The following SENP7 variants were observed in gnomAD, a reference collection of about 807,000 sequenced individuals.
The protein encoded by SENP7 is SUMO specific peptidase 7.
In SENP7, 64 loss-of-function variants were observed where a neutral mutation model predicts 141.2. The ratio of observed to expected loss-of-function variants is 0.45; its 90% CI spans 0.37 to 0.56. SENP7 has a LOEUF of 0.56. Ranked by LOEUF, SENP7 falls within the 20% of genes least tolerant of loss-of-function variation. The pLI, the probability that SENP7 is intolerant of heterozygous loss-of-function variation, is 0.00. For missense variants in SENP7, 1,025 were observed against 1,212.2 expected, an observed-to-expected ratio of 0.85 and a Z score of 2.29; for synonymous variants, 382 against 426.4, an observed-to-expected ratio of 0.90 and a Z score of 1.28.
Position 101,444,651 on chromosome 3 carries a change from C to T in SENP7, c.284+14304G>A, listed in dbSNP as rs572250751. Among the ~76,000 whole-genome samples the T allele has an allele frequency of 2.5e-3, 366 of 148,518 alleles. 1 individual carries two copies. The highest frequency in any genetic ancestry group is 4.4e-3 in the Non-Finnish European group (295 of 67,638). On this transcript the variant is annotated intron_variant, in intron 4 of 23. Transcript: ENST00000394095. ...GTAAACTATCGCAAGAACAAAAAACCAAACACCGTATACTCTCACTCATAG... is the reference window on the plus strand; with the variant it reads ...GTAAACTATCGCAAGAACAAAAAACTAAACACCGTATACTCTCACTCATAG...
chr3:101,470,173 A>G (rs972720476), intron 3 of SENP7, among the ~76,000 whole-genome samples: 1 of 152,202 alleles, frequency 6.6e-6, no homozygotes, highest in African/African-American at 2.4e-5. Flanking sequence ...AGAACTACAG[A>G]AGGAAGAGCA....
chr3:101,345,215 A>G (rs1480108194), intron 13 of SENP7, among the ~76,000 whole-genome samples: 1 of 135,206 alleles, frequency 7.4e-6, no homozygotes, highest in East Asian at 2.2e-4. Context: ...TTCCATATGA[A>G]TTTTAGGATT....
chr3:101,484,295 T>C (rs2108052596), intron 3 of SENP7, among the ~76,000 whole-genome samples: 1 of 152,334 alleles, frequency 6.6e-6, no homozygotes, highest in South Asian at 2.1e-4. Flanking sequence ...ATGACGTATC[T>C]GCTACAGGAC....
At chr3:101,485,925 A>C (rs2064708438) in intron 3 of SENP7, among the ~76,000 whole-genome samples, 1 of 152,242 alleles carries the variant, frequency 6.6e-6, no homozygotes, top group Admixed American at 6.5e-5. Context: ...AAAAACAATA[A>C]AAAGTTCAGG....
intron 7 of SENP7, among the ~76,000 whole-genome samples, chr3:101,370,361 A>G (rs1299872328): frequency 3.3e-5 from 5 of 152,092 alleles, no homozygotes. Flanking sequence ...CACTTGTACA[A>G]ATACTTACAT....
chr3:101,435,737 A>G (rs1158474588), intron 4 of SENP7, among the ~76,000 whole-genome samples: 1 of 152,084 alleles, frequency 6.6e-6, no homozygotes, highest in Non-Finnish European at 1.5e-5. Flanking sequence ...AAAGATCTCT[A>G]CAATAAAAAC....
chr3:101,446,897 A>C (rs183559493), intron 4 of SENP7, among the ~76,000 whole-genome samples: 1 of 152,304 alleles, frequency 6.6e-6, no homozygotes, highest in East Asian at 1.9e-4. Flanking sequence ...AGTAGGAGGA[A>C]AGAAATGGTA....
At chr3:101,339,842 A>G (rs998450053) in intron 16 of SENP7, among the ~76,000 whole-genome samples, 9 of 152,240 alleles carry the variant, frequency 5.9e-5, no homozygotes, top group African/African-American at 2.2e-4. Context: ...AGAAATTTAC[A>G]TCAAAAACTA....
chr3:101,426,050 G>A (rs1469872990), intron 4 of SENP7, among the ~76,000 whole-genome samples: 1 of 152,158 alleles, frequency 6.6e-6, no homozygotes, highest in Non-Finnish European at 1.5e-5. Context: ...GTACCTGAAA[G>A]AGATGGAGAG....
intron 3 of SENP7, among the ~76,000 whole-genome samples, chr3:101,471,754 C>A (rs963586199): frequency 2.6e-5 from 4 of 152,186 alleles, no homozygotes; most frequent in African/African-American, 9.7e-5. Context: ...ATCTACCCAT[C>A]TGACACAGGG....
chr3:101,340,338 T>C (rs1175377305), intron 15 of SENP7, 127 bp from the exon 16 acceptor site: 13 of 1,135,618 alleles, frequency 1.1e-5, no homozygotes, highest in African/African-American at 1.6e-5. Flanking sequence ...AAAAAACATT[T>C]GACCAGGCAT....
chr3:101,419,500 T>C (rs1051573019), intron 4 of SENP7, among the ~76,000 whole-genome samples: 1 of 152,044 alleles, frequency 6.6e-6, no homozygotes, highest in African/African-American at 2.4e-5. Context: ...TTTAGAAGAA[T>C]GGTGGGAGCA....
chr3:101,475,038 T>C (rs2107994720), intron 3 of SENP7, among the ~76,000 whole-genome samples: 1 of 152,238 alleles, frequency 6.6e-6, no homozygotes, highest in African/African-American at 2.4e-5. Flanking sequence ...TACATATATA[T>C]ATCCCATGTA....
intron 6 of SENP7, among the ~76,000 whole-genome samples, chr3:101,379,572 G>A (rs950959388): frequency 1.3e-5 from 2 of 152,006 alleles, no homozygotes; most frequent in Admixed American, 6.6e-5. Flanking sequence ...CCAACAACAC[G>A]AAAAGATGTT....
At chr3:101,504,626 CA>C (rs2065520553) in intron 1 of SENP7, among the ~76,000 whole-genome samples, 1 of 152,028 alleles carries the variant, frequency 6.6e-6, no homozygotes, top group South Asian at 2.1e-4. Flanking sequence ...TTAAATTTAA[CA>C]AAACACATAT....
intron 2 of SENP7, 112 bp from the exon 3 acceptor site, chr3:101,494,080 G>A (rs2065070122): frequency 3.9e-6 from 2 of 513,906 alleles, no homozygotes; most frequent in Middle Eastern, 5.2e-4. Context: ...CTGTTTTAAG[G>A]AGTTTTAAAT....
chr3:101,375,611 C>CCTAG (rs2060305882), intron 6 of SENP7, among the ~76,000 whole-genome samples: 1 of 150,992 alleles, frequency 6.6e-6, no homozygotes, highest in Non-Finnish European at 1.5e-5. Context: ...CAATCCCACT[C>CCTAG]CTAGGTATAT....
In SENP7 at chr3:101,417,576, A is replaced by C. The variant is rs2061661592; in HGVS notation, c.482+17T>G. 1.9e-6 allele frequency: 3 copies of C among 1,589,512 alleles called. No homozygotes were observed. The highest frequency in any genetic ancestry group is 2.2e-5 in the East Asian group (1 of 44,736). ...CAAATGTGGTAAGTTGAACAAAATC[A>C]ATACTGAACAACATACCTTTCAGAT... is the stretch of plus-strand genomic sequence containing the variant. On this transcript the variant is annotated intron_variant, in intron 5 of 23. Transcript: ENST00000394095.
intron 11 of SENP7, among the ~76,000 whole-genome samples, chr3:101,356,825 T>A (rs2059755200): frequency 6.6e-6 from 1 of 152,160 alleles, no homozygotes; most frequent in Non-Finnish European, 1.5e-5. Flanking sequence ...CTTGAGGGTT[T>A]TCCTCTAGTA....
Sources: gnomAD v4.1 joint callset for allele counts (sites outside exome capture counted in the v4.1 genomes callset) on GRCh38, gnomAD v4.1.1 for gene constraint, MANE v1.5 for transcripts, NCBI Gene and HGNC (gene_info 2026-07-23, HGNC 2026-07-21) for gene names.